Variants in EXD3 observed in about 807,000 individuals in gnomAD.
EXD3 encodes exonuclease mut-7 homolog.
In EXD3, 92 loss-of-function variants were observed where a neutral mutation model predicts 98.0. The observed-to-expected ratio is 0.94, with a 90% CI of 0.79 to 1.12. The LOEUF is 1.12. EXD3 is among the 50% of genes most tolerant of loss of function. EXD3 has a pLI of 0.00. For synonymous variants in EXD3, 569 were observed against 526.0 expected (o/e 1.08, Z -1.12); for missense variants, 1,222 against 1,191.6 (o/e 1.03, Z -0.38).
At chr9:137,389,055 T>A (rs554914345) in intron 2 of EXD3, among the ~76,000 whole-genome samples, 20 of 152,210 alleles carry the variant, frequency 1.3e-4, no homozygotes, top group African/African-American at 4.3e-4. Flanking sequence ...GGGGCCTCCG[T>A]CCCTCTGCCA....
rs762622715 is a variant in EXD3 at position 137,355,670 on chromosome 9, AG to A, written c.757+597del. ...AGGAAGGAGGAAGGAGGAAGGAGAAAGGGAGGATGGAGGAAGGAGAAAGGGA... is the reference window on the plus strand; with the variant it reads ...AGGAAGGAGGAAGGAGGAAGGAGAAAGGAGGATGGAGGAAGGAGAAAGGGA... On this transcript the variant is annotated intron_variant, in intron 8 of 21. Transcript: ENST00000340951. Among the ~76,000 whole-genome samples the A allele has an allele frequency of 6.4e-3, 138 of 21,416 alleles. 1 individual carries two copies. Among genetic ancestry groups the A allele is most frequent in the Middle Eastern group, 0.017 (1 of 58 alleles). 14.0% of individuals were successfully genotyped at this position (21,416 alleles called of 152,430 possible).
At chr9:137,313,576 G>A (rs1411264668) in intron 19 of EXD3, among the ~76,000 whole-genome samples, 1 of 152,202 alleles carries the variant, frequency 6.6e-6, no homozygotes, top group East Asian at 1.9e-4. Context: ...CAAGCTTGTT[G>A]CAACCTCAGC....
intron 7 of EXD3, among the ~76,000 whole-genome samples, chr9:137,358,234 C>T (rs1055848822): frequency 6.6e-6 from 1 of 152,208 alleles, no homozygotes; most frequent in African/African-American, 2.4e-5. Context: ...AGAGGAACCA[C>T]CTCCCTGTGT....
At chr9:137,370,923 A>G (rs1016919449) in intron 5 of EXD3, among the ~76,000 whole-genome samples, 1 of 152,044 alleles carries the variant, frequency 6.6e-6, no homozygotes, top group Non-Finnish European at 1.5e-5. Flanking sequence ...TGCCCTCGAC[A>G]TGAAATATCG....
At chr9:137,316,001 C>A (rs1167111878) in intron 19 of EXD3, among the ~76,000 whole-genome samples, 1 of 150,448 alleles carries the variant, frequency 6.6e-6, no homozygotes, top group Non-Finnish European at 1.5e-5. Flanking sequence ...CTCTGAGCCT[C>A]CCAAGGGAAG....
intron 7 of EXD3, chr9:137,365,142 C>T (rs1043070876): frequency 1.3e-5 from 2 of 151,666 alleles, no homozygotes; most frequent in African/African-American, 2.4e-5. Flanking sequence ...CCTGGCCTGA[C>T]GCTGTGCGGC....
chr9:137,384,324 A>C (rs1026294828), intron 2 of EXD3, among the ~76,000 whole-genome samples: 6 of 152,258 alleles, frequency 3.9e-5, no homozygotes, highest in Non-Finnish European at 8.8e-5. Context: ...AGGCTGACTT[A>C]ACAGGAGAGT....
intron 19 of EXD3, among the ~76,000 whole-genome samples, chr9:137,314,281 A>G (rs1275451281): frequency 1.3e-5 from 2 of 152,148 alleles, no homozygotes; most frequent in Admixed American, 1.3e-4. Context: ...GTGACCCGAC[A>G]CTGTCCCCTG....
At chr9:137,354,294 C>CGT in intron 10 of EXD3, 45 bp downstream of exon 10, 1 of 1,606,048 alleles carries the variant, frequency 6.2e-7, no homozygotes, top group Non-Finnish European at 8.5e-7. Flanking sequence ...CTAGGACAGC[C>CGT]GCCCAGGCCG....
rs1299683464 is a variant in EXD3, at chr9:137,347,647, T to C, written c.1998+424A>G. Reference sequence around the variant, plus strand: ...TTGGTACAGACGGGGTTTCACCATATTGGTCAGGCTGGTCTCCAACTCCTG... The same window carrying C: ...TTGGTACAGACGGGGTTTCACCATACTGGTCAGGCTGGTCTCCAACTCCTG... On this transcript the variant is annotated intron_variant, in intron 17 of 21. Transcript: ENST00000340951. The surrounding 1 kb of genome is among the most constrained non-coding windows in gnomAD (Gnocchi z 4.2). Among the ~76,000 whole-genome samples the C allele has an allele frequency of 4.6e-5, 7 of 152,060 alleles. No homozygotes were observed. Among genetic ancestry groups the C allele is most frequent in the African/African-American group, 1.7e-4 (7 of 41,416 alleles).
At position 137,405,548 on chromosome 9, in the gene EXD3, C is replaced by T. The variant is rs755934072; in HGVS notation, c.-47-10144G>A. On this transcript the variant is annotated intron_variant, in intron 1 of 21. Transcript: ENST00000340951. This position sits in a 1 kb window ranked among gnomAD's most constrained non-coding sequence, Gnocchi z 4.1. ...CTCAGGCTCTCAACAATAAACTTTACGTCTCATGGTTCAAGAAATGCCAGG... is the reference window on the plus strand; with the variant it reads ...CTCAGGCTCTCAACAATAAACTTTATGTCTCATGGTTCAAGAAATGCCAGG... Among the ~76,000 whole-genome samples the T allele has an allele frequency of 1.1e-4, 16 of 152,238 alleles. No homozygotes were observed. The highest frequency in any genetic ancestry group is 2.6e-4 in the Admixed American group (4 of 15,280).
At chr9:137,372,151 G>A (rs972967930) in intron 5 of EXD3, among the ~76,000 whole-genome samples, 2 of 152,152 alleles carry the variant, frequency 1.3e-5, no homozygotes, top group African/African-American at 2.4e-5. Context: ...ACACTTCTGC[G>A]ACACCACTTA....
chr9:137,343,517 G>T (rs1833755769), intron 17 of EXD3: 1 of 143,854 alleles, frequency 7.0e-6, no homozygotes, highest in African/African-American at 2.6e-5. Flanking sequence ...CCCAATTAAG[G>T]GTATCCCATG....
chr9:137,348,066 C>T lies in EXD3; in HGVS notation c.1998+5G>A, dbSNP rs1321346005. 1.9e-6 allele frequency: 3 copies of T among 1,608,976 alleles called. No individual in the cohort carries two copies. In the African/African-American group the frequency reaches 4.0e-5, roughly 22 times the overall value. On this transcript the variant is annotated splice_donor_5th_base_variant and intron_variant, in intron 17 of 21. Transcript: ENST00000340951. ...AGGACCCCAAGACCCTCCCCGCAAA[C>T]TCACCTCGGCCGCCCTGCGGTGGTC...
intron 17 of EXD3, among the ~76,000 whole-genome samples, chr9:137,332,172 C>A (rs548139014): frequency 6.6e-6 from 1 of 152,312 alleles, no homozygotes; most frequent in African/African-American, 2.4e-5. Context: ...CCAAAGCAAT[C>A]TATAGATTCA....
intron 17 of EXD3, among the ~76,000 whole-genome samples, chr9:137,330,731 A>G (rs1833029362): frequency 6.6e-6 from 1 of 152,226 alleles, no homozygotes; most frequent in Non-Finnish European, 1.5e-5. Context: ...AGCTACAAGA[A>G]TAAACCCGGC....
chr9:137,372,039 T>C (rs891944925), intron 5 of EXD3, among the ~76,000 whole-genome samples: 6 of 152,190 alleles, frequency 3.9e-5, no homozygotes, highest in Non-Finnish European at 7.3e-5. Flanking sequence ...TGGAACCTTC[T>C]GGGCTTAAAA....
rs368253652 is a variant in EXD3 at position 137,369,505 on chromosome 9, C to A, written c.463-1516G>T. Among the ~76,000 whole-genome samples the A allele has an allele frequency of 3.3e-5, 5 of 152,216 alleles. No homozygotes were observed. The East Asian group carries it at 9.6e-4, about 29-fold the overall frequency. On this transcript the variant is annotated intron_variant, in intron 5 of 21. Transcript: ENST00000340951. ...GTGGAGGATGGGGCTGCGCCCGGCA[C>A]CTCCTTGGGACCAGGCCCTGAGCAG...
chr9:137,382,095 C>T (rs1446451867), intron 3 of EXD3, among the ~76,000 whole-genome samples: 2 of 32,824 alleles, frequency 6.1e-5, no homozygotes, highest in Non-Finnish European at 1.1e-4. Flanking sequence ...GTCAGGGCGG[C>T]GGTGGAGGTC....
Sources: gnomAD v4.1 joint callset for allele counts (sites outside exome capture counted in the v4.1 genomes callset) on GRCh38, gnomAD v4.1.1 for gene constraint, Gnocchi (gnomAD v3.1) non-coding constraint, MANE v1.5 for transcripts, NCBI Gene and HGNC (gene_info 2026-07-23, HGNC 2026-07-21) for gene names.